The following LRRTM4 variants were observed in gnomAD, a reference collection of about 807,000 sequenced individuals.
LRRTM4 encodes leucine-rich repeat transmembrane neuronal protein 4.
Under a neutral mutation model 47.6 loss-of-function variants are expected in LRRTM4, and 25 were observed. The observed-to-expected ratio is 0.53, with a 90% CI of 0.38 to 0.73. LRRTM4 has a LOEUF of 0.73. Ranked by LOEUF, LRRTM4 falls within the 30% of genes least tolerant of loss-of-function variation. LRRTM4 has a pLI of 0.00. For missense variants in LRRTM4, 638 were observed against 713.4 expected, an observed-to-expected ratio of 0.89 and a Z score of 1.20; for synonymous variants, 311 against 269.5, an observed-to-expected ratio of 1.15 and a Z score of -1.51.
At chr2:77,416,669 CT>C (rs939263108) in intron 3 of LRRTM4, among the ~76,000 whole-genome samples, 1 of 151,930 alleles carries the variant, frequency 6.6e-6, no homozygotes. Flanking sequence ...AATCATACCA[CT>C]TCAGACAAAA....
At chr2:76,878,396 C>A (rs1354727416) in intron 3 of LRRTM4, among the ~76,000 whole-genome samples, 1 of 151,342 alleles carries the variant, frequency 6.6e-6, no homozygotes, top group Admixed American at 6.6e-5. Flanking sequence ...AGGAAGAGTT[C>A]AATATGTCTA....
intron 3 of LRRTM4, among the ~76,000 whole-genome samples, chr2:77,505,993 A>G (rs1678753736): frequency 1.3e-5 from 2 of 151,846 alleles, no homozygotes; most frequent in South Asian, 4.1e-4. Flanking sequence ...TAGAAATGAC[A>G]AAGAAAAACC....
intron 3 of LRRTM4, among the ~76,000 whole-genome samples, chr2:76,753,973 C>T (rs1020003289): frequency 1.3e-5 from 2 of 152,120 alleles, no homozygotes; most frequent in Non-Finnish European, 2.9e-5. Context: ...TATTTGTTAA[C>T]TTTTCACGAA....
intron 3 of LRRTM4, among the ~76,000 whole-genome samples, chr2:76,939,099 T>C (rs1675048950): frequency 6.6e-6 from 1 of 152,136 alleles, no homozygotes; most frequent in East Asian, 1.9e-4. Flanking sequence ...TCTTATTTAC[T>C]AGAGGTGGGA....
chr2:76,755,874 G>A (rs1673012280), intron 3 of LRRTM4, among the ~76,000 whole-genome samples: 1 of 152,098 alleles, frequency 6.6e-6, no homozygotes, highest in Admixed American at 6.5e-5. Flanking sequence ...TTTTGGCCCA[G>A]GGGACCTAGA....
At chr2:77,058,070 C>A (rs909902868) in intron 3 of LRRTM4, among the ~76,000 whole-genome samples, 1 of 152,120 alleles carries the variant, frequency 6.6e-6, no homozygotes, top group African/African-American at 2.4e-5. Flanking sequence ...TTGTCAATCC[C>A]ACCTTATGGG....
intron 3 of LRRTM4, among the ~76,000 whole-genome samples, chr2:77,231,128 T>G (rs779537161): frequency 1.3e-5 from 2 of 152,166 alleles, no homozygotes; most frequent in Admixed American, 6.6e-5. Flanking sequence ...CTGGCAAGTT[T>G]AAATATAGTC....
At chr2:77,250,038 T>A (rs1675560196) in intron 3 of LRRTM4, among the ~76,000 whole-genome samples, 1 of 152,158 alleles carries the variant, frequency 6.6e-6, no homozygotes, top group African/African-American at 2.4e-5. Context: ...GAAACTTAAA[T>A]GTAAATTATT....
At chr2:77,433,504 G>C (rs557944022) in intron 3 of LRRTM4, among the ~76,000 whole-genome samples, 2 of 152,220 alleles carry the variant, frequency 1.3e-5, no homozygotes, top group South Asian at 4.1e-4. Flanking sequence ...AAAATGACTA[G>C]ATCTTTAAAA....
chr2:77,045,249 A>G (rs1679195648), intron 3 of LRRTM4, among the ~76,000 whole-genome samples: 1 of 151,910 alleles, frequency 6.6e-6, no homozygotes, highest in Non-Finnish European at 1.5e-5. Flanking sequence ...TCTCACAAAA[A>G]AAGTAGAGAA....
chr2:77,386,249 TTTTATAAA>T (rs1673267485), intron 3 of LRRTM4, among the ~76,000 whole-genome samples: 1 of 152,172 alleles, frequency 6.6e-6, no homozygotes, highest in Non-Finnish European at 1.5e-5. Flanking sequence ...GAGTGGCTGA[TTTTATAAA>T]TTTATACATC....
chr2:77,225,604 A>G (rs1674783178), intron 3 of LRRTM4, among the ~76,000 whole-genome samples: 1 of 152,116 alleles, frequency 6.6e-6, no homozygotes, highest in Non-Finnish European at 1.5e-5. Context: ...TTCTCGACTA[A>G]TGTTAATTGA....
intron 3 of LRRTM4, among the ~76,000 whole-genome samples, chr2:76,892,872 T>C (rs1673298801): frequency 2.0e-5 from 3 of 151,618 alleles, no homozygotes; most frequent in Admixed American, 6.6e-5. Context: ...AAATATTGAC[T>C]CAGATGAAAA....
intron 3 of LRRTM4, among the ~76,000 whole-genome samples, chr2:77,374,143 G>C (rs1018512240): frequency 2.0e-5 from 3 of 151,772 alleles, no homozygotes; most frequent in Non-Finnish European, 4.4e-5. Context: ...GCACAGTCAA[G>C]AGTATAGGAA....
intron 3 of LRRTM4, among the ~76,000 whole-genome samples, chr2:77,336,050 T>C (rs1332879592): frequency 6.6e-6 from 1 of 151,236 alleles, no homozygotes. Flanking sequence ...AAACTACTGA[T>C]CCAGTAGTTT....
chr2:77,005,196 G>C (rs1361165456), intron 3 of LRRTM4, among the ~76,000 whole-genome samples: 1 of 152,156 alleles, frequency 6.6e-6, no homozygotes, highest in Non-Finnish European at 1.5e-5. Flanking sequence ...TCAGGCTGGA[G>C]TACAGTGGCA....
chr2:76,814,950 G>T (rs545396131), intron 3 of LRRTM4, among the ~76,000 whole-genome samples: 31 of 152,146 alleles, frequency 2.0e-4, no homozygotes, highest in Non-Finnish European at 3.1e-4. Flanking sequence ...GCATTTGTAT[G>T]TACTTTGGAA....
intron 3 of LRRTM4, among the ~76,000 whole-genome samples, chr2:77,170,296 G>A (rs188721715): frequency 3.4e-4 from 52 of 152,224 alleles, no homozygotes; most frequent in South Asian, 3.3e-3. Flanking sequence ...GGAAGAAAGC[G>A]GATATGAGCT....
intron 3 of LRRTM4, among the ~76,000 whole-genome samples, chr2:77,028,957 C>T (rs983796455): frequency 4.0e-5 from 6 of 150,638 alleles, no homozygotes; most frequent in Admixed American, 6.6e-5. Flanking sequence ...ATGGTGTGAA[C>T]CCGGGAGGCG....
Sources: gnomAD v4.1 joint callset for allele counts (sites outside exome capture counted in the v4.1 genomes callset) on GRCh38, gnomAD v4.1.1 for gene constraint, MANE v1.5 for transcripts, NCBI Gene and HGNC (gene_info 2026-07-23, HGNC 2026-07-21) for gene names.